The following NKAIN3 variants were observed in gnomAD, a reference collection of about 807,000 sequenced individuals.
The protein encoded by NKAIN3 is sodium/potassium-transporting ATPase subunit beta-1-interacting protein 3.
NKAIN3 carries 25 observed loss-of-function variants against 30.2 expected under a neutral mutation model. The ratio of observed to expected loss-of-function variants is 0.83; its 90% CI spans 0.60 to 1.16. NKAIN3 has a LOEUF of 1.16. Ranked by LOEUF, NKAIN3 falls within the 50% of genes most tolerant of loss-of-function variation. The pLI is 0.00. For missense variants in NKAIN3, 225 were observed against 254.1 expected (o/e 0.89, Z 0.78); for synonymous variants, 91 against 89.6 (o/e 1.02, Z -0.09).
At chr8:62,556,683 AAAC>A (rs1392374424) in intron 1 of NKAIN3, among the ~76,000 whole-genome samples, 1 of 151,862 alleles carries the variant, frequency 6.6e-6, no homozygotes, top group Non-Finnish European at 1.5e-5. Context: ...TAAGGCAAAA[AAAC>A]ATTATAATGG....
intron 3 of NKAIN3, among the ~76,000 whole-genome samples, chr8:62,674,066 T>A (rs1813396093): frequency 1.3e-5 from 2 of 152,226 alleles, no homozygotes. Flanking sequence ...GATGTTACTT[T>A]GTTGTGAAGT....
At chr8:62,922,872 C>T (rs948295033) in intron 5 of NKAIN3, among the ~76,000 whole-genome samples, 3 of 152,054 alleles carry the variant, frequency 2.0e-5, no homozygotes, top group Non-Finnish European at 4.4e-5. Flanking sequence ...GCTGAGATGG[C>T]TCTGCCAAAT....
At chr8:62,948,776 A>G (rs1400780892) in intron 5 of NKAIN3, among the ~76,000 whole-genome samples, 3 of 152,212 alleles carry the variant, frequency 2.0e-5, no homozygotes, top group Non-Finnish European at 4.4e-5. Flanking sequence ...TCTAGATGAT[A>G]AAAGAAGATC....
intron 4 of NKAIN3, among the ~76,000 whole-genome samples, chr8:62,907,949 C>A (rs997501221): frequency 6.6e-6 from 1 of 152,106 alleles, no homozygotes. Context: ...TCCTTCAGAC[C>A]CCAGAATGGT....
At chr8:62,945,940 A>C (rs887417003) in intron 5 of NKAIN3, among the ~76,000 whole-genome samples, 5 of 152,204 alleles carry the variant, frequency 3.3e-5, no homozygotes, top group Admixed American at 1.3e-4. Flanking sequence ...TCCATTTTGC[A>C]TAGTATTGCT....
intron 4 of NKAIN3, among the ~76,000 whole-genome samples, chr8:62,756,589 C>A (rs1021015888): frequency 6.6e-6 from 1 of 152,092 alleles, no homozygotes; most frequent in African/African-American, 2.4e-5. Flanking sequence ...ATCTACATAA[C>A]GTCATATGTT....
At chr8:62,321,312 T>C (rs1242779868) in intron 1 of NKAIN3, among the ~76,000 whole-genome samples, 1 of 152,122 alleles carries the variant, frequency 6.6e-6, no homozygotes, top group Non-Finnish European at 1.5e-5. Flanking sequence ...TTTGATCATC[T>C]GAAGCCTTCT....
At chr8:62,323,893 C>A (rs1313105455) in intron 1 of NKAIN3, among the ~76,000 whole-genome samples, 1 of 151,966 alleles carries the variant, frequency 6.6e-6, no homozygotes, top group South Asian at 2.1e-4. Flanking sequence ...ATATGACATT[C>A]TGGAAAAGAC....
chr8:62,942,585 C>G (rs939469870), intron 5 of NKAIN3, among the ~76,000 whole-genome samples: 2 of 149,780 alleles, frequency 1.3e-5, no homozygotes, highest in African/African-American at 4.9e-5. Context: ...TCAGACTAAG[C>G]AAAAAGAACA....
At chr8:62,775,070 T>G (rs756896934) in intron 4 of NKAIN3, among the ~76,000 whole-genome samples, 27 of 152,160 alleles carry the variant, frequency 1.8e-4, no homozygotes, top group Non-Finnish European at 3.5e-4. Context: ...TATTATGGCA[T>G]TAATCTAGGT....
intron 1 of NKAIN3, among the ~76,000 whole-genome samples, chr8:62,484,805 AG>A (rs771321684): frequency 5.9e-5 from 9 of 152,118 alleles, no homozygotes; most frequent in Non-Finnish European, 1.3e-4. Context: ...TGCAGCACAA[AG>A]GGTCACATAG....
chr8:62,566,717 T>C (rs1809766213), intron 1 of NKAIN3, among the ~76,000 whole-genome samples: 1 of 152,152 alleles, frequency 6.6e-6, no homozygotes, highest in South Asian at 2.1e-4. Flanking sequence ...TCCAACTTTT[T>C]TTTCAGTTGA....
intron 1 of NKAIN3, among the ~76,000 whole-genome samples, chr8:62,317,735 G>T (rs1814692495): frequency 6.6e-6 from 1 of 152,128 alleles, no homozygotes; most frequent in South Asian, 2.1e-4. Flanking sequence ...TGTTCTTTTG[G>T]CTTAGGATTG....
At chr8:62,845,669 C>T (rs1819669585) in intron 4 of NKAIN3, among the ~76,000 whole-genome samples, 1 of 151,946 alleles carries the variant, frequency 6.6e-6, no homozygotes. Flanking sequence ...ACATAATAGG[C>T]CATACAGACA....
intron 4 of NKAIN3, among the ~76,000 whole-genome samples, chr8:62,894,219 G>A (rs1000046122): frequency 2.6e-5 from 4 of 152,228 alleles, no homozygotes; most frequent in African/African-American, 9.6e-5. Context: ...GAAAATTAGG[G>A]TTGAGCTGAA....
intron 1 of NKAIN3, among the ~76,000 whole-genome samples, chr8:62,345,403 A>T (rs1426906504): frequency 8.2e-6 from 1 of 121,658 alleles, no homozygotes; most frequent in East Asian, 2.4e-4. Context: ...ACATATACAC[A>T]TATATGTATA....
At chr8:62,796,649 C>A (rs149814266) in intron 4 of NKAIN3, among the ~76,000 whole-genome samples, 97 of 152,204 alleles carry the variant, frequency 6.4e-4, no homozygotes, top group African/African-American at 2.3e-3. Context: ...ATTGTTTACA[C>A]CCAGACTCTA....
intron 1 of NKAIN3, among the ~76,000 whole-genome samples, chr8:62,316,848 G>T (rs932906259): frequency 6.6e-6 from 1 of 152,056 alleles, no homozygotes; most frequent in Non-Finnish European, 1.5e-5. Flanking sequence ...CTGAGGAATC[G>T]CCACACTAAC....
At chr8:62,586,757 A>C (rs73257112) in intron 2 of NKAIN3, among the ~76,000 whole-genome samples, 2,984 of 152,130 alleles carry the variant, frequency 0.02, 115 homozygotes, top group African/African-American at 0.069. Flanking sequence ...ATCCTTGTAA[A>C]ACTAGGATAT....
Sources: gnomAD v4.1 joint callset for allele counts (sites outside exome capture counted in the v4.1 genomes callset) on GRCh38, gnomAD v4.1.1 for gene constraint, MANE v1.5 for transcripts, NCBI Gene and HGNC (gene_info 2026-07-23, HGNC 2026-07-21) for gene names.